Variants in HECTD4 observed in about 807,000 individuals in gnomAD.
HECTD4 encodes the protein probable E3 ubiquitin-protein ligase HECTD4.
A neutral mutation model predicts 471.5 loss-of-function variants in HECTD4; 114 were observed. The ratio of observed to expected loss-of-function variants is 0.24; its 90% CI spans 0.21 to 0.28. The LOEUF (loss-of-function observed/expected upper bound fraction) is 0.28. HECTD4 is among the 10% of genes least tolerant of loss of function. The pLI is 1.00. For missense variants in HECTD4, 3,866 were observed against 5,651.5 expected, an observed-to-expected ratio of 0.68 and a Z score of 10.13; for synonymous variants, 2,012 against 2,256.0, an observed-to-expected ratio of 0.89 and a Z score of 3.07.
In HECTD4 at chr12:112,185,251, A is replaced by T; in HGVS notation, c.9715T>A (p.Ser3239Thr). 6.5e-7 allele frequency: 1 copy of T among 1,550,064 alleles called. No homozygotes were observed. Among genetic ancestry groups the T allele is most frequent in the South Asian group, 1.2e-5 (1 of 84,022 alleles). Residue 3239 changes from serine to threonine, a missense_variant, in exon 61 of 76, where the codon TCC becomes ACC. Around this residue, in one of 16 missense-constraint regions of HECTD4, gnomAD observed 364 missense variants for 413.2 expected, o/e 0.88. Transcript: ENST00000682272. ...TGGTCACCGGCCGCCGCCCCCCCGG[A>T]GCCCCCGCAGGCGCCGCCTGAGACC... ...NWVSGGACGGSGGAAAGDQGR... is the reference protein window; with the variant it reads ...NWVSGGACGGTGGAAAGDQGR...
chr12:112,309,573 T>C lies in HECTD4; in HGVS notation c.1013A>G (p.His338Arg), dbSNP rs1295050993. The change falls in exon 5 of 76, where the codon CAT (histidine) becomes CGT (arginine). Residue 338 changes from histidine (H) to arginine (R), a missense_variant. By Grantham distance (29) the His-to-Arg change is conservative. Around this residue, in one of 16 missense-constraint regions of HECTD4, gnomAD observed 440 missense variants for 636.0 expected, o/e 0.69. Coordinates refer to ENST00000682272, the MANE Select transcript of HECTD4 (RefSeq NM_001388303.1). The stretch of plus-strand genomic sequence containing the variant: ...CCATGCAACTGACCTGAGAGTACCA[T>C]GTAATCCAGATCCCAATTTGCTTAC... ...RGVSKLGSGL[H>R]GTLRGFVYCR... The C allele has an allele frequency of 4.1e-6, 6 of 1,468,472 alleles. No homozygotes were observed. The highest frequency in any genetic ancestry group is 1.2e-5 in the South Asian group (1 of 82,586). 91.0% of individuals were successfully genotyped at this position (1,468,472 alleles called of 1,614,324 possible).
intron 2 of HECTD4, among the ~76,000 whole-genome samples, chr12:112,315,463 A>T (rs1374187213): frequency 6.6e-6 from 1 of 152,168 alleles, no homozygotes; most frequent in Non-Finnish European, 1.5e-5. Context: ...ATAGAAGGCA[A>T]GGAGGCAGCA....
At chr12:112,245,949 T>C (rs968975743) in intron 29 of HECTD4, among the ~76,000 whole-genome samples, 1 of 151,872 alleles carries the variant, frequency 6.6e-6, no homozygotes, top group Non-Finnish European at 1.5e-5. Context: ...CTGGCCAACA[T>C]AGCAAAACCC....
intron 7 of HECTD4, among the ~76,000 whole-genome samples, chr12:112,293,526 AAAAAGATTCCATCTC>A (rs1461289642): frequency 6.8e-6 from 1 of 146,538 alleles, no homozygotes; most frequent in Non-Finnish European, 1.5e-5. Context: ...TGGGCGACAG[AAAAAGATTCCATCTC>A]AAAATCAATC....
chr12:112,239,796 C>A lies in HECTD4; in HGVS notation c.5105+85G>T, dbSNP rs192008380. On this transcript the variant is annotated intron_variant, in intron 33 of 75. Coordinates refer to ENST00000682272, the MANE Select transcript of HECTD4 (RefSeq NM_001388303.1). The surrounding 1 kb of genome is among the most constrained non-coding windows in gnomAD (Gnocchi z 4.9). Reference sequence around the variant, plus strand: ...CTCTGGATAATGAAAGCAAAAAATCCAATTTTTAAAATTAAAAATACTTTC... The same window carrying A: ...CTCTGGATAATGAAAGCAAAAAATCAAATTTTTAAAATTAAAAATACTTTC... The A allele has an allele frequency of 3.2e-3, 4,317 of 1,356,086 alleles. 7 individuals carry two copies. The highest frequency in any genetic ancestry group is 3.8e-3 in the Non-Finnish European group (3,831 of 1,009,896). The allele number at this position is 1,356,086 out of a possible 1,614,324, so 84.0% of individuals were successfully genotyped here.
At chr12:112,222,419 C>T (rs1419135004) in intron 44 of HECTD4, among the ~76,000 whole-genome samples, 1 of 152,194 alleles carries the variant, frequency 6.6e-6, no homozygotes, top group Non-Finnish European at 1.5e-5. Context: ...GTAATCCCAG[C>T]ACTTTGGGAG....
intron 1 of HECTD4, among the ~76,000 whole-genome samples, chr12:112,343,313 C>A (rs11066264): frequency 0.15 from 23,419 of 152,168 alleles, 2,395 homozygotes; most frequent in African/African-American, 0.29. Context: ...CATTCTATTT[C>A]TTTGAACACT....
chr12:112,353,076 C>T (rs1938046406), intron 1 of HECTD4, among the ~76,000 whole-genome samples: 1 of 152,172 alleles, frequency 6.6e-6, no homozygotes, highest in Non-Finnish European at 1.5e-5. Flanking sequence ...TTGCTTTACC[C>T]CAGACCAAAA....
chr12:112,366,325 T>A (rs1442244287), intron 1 of HECTD4, among the ~76,000 whole-genome samples: 1 of 151,028 alleles, frequency 6.6e-6, no homozygotes, highest in Admixed American at 6.6e-5. Flanking sequence ...CTGGGCAACG[T>A]AGTGAGACCC....
intron 1 of HECTD4, among the ~76,000 whole-genome samples, chr12:112,374,885 T>G (rs2036748876): frequency 6.6e-6 from 1 of 152,240 alleles, no homozygotes. Context: ...AAAAACCCTT[T>G]GCATCTATTA....
At chr12:112,334,628 C>T (rs2035907818) in intron 1 of HECTD4, among the ~76,000 whole-genome samples, 2 of 101,326 alleles carry the variant, frequency 2.0e-5, no homozygotes, top group South Asian at 6.5e-4. Flanking sequence ...CCTGTCTCTA[C>T]TAAAAATACA....
At chr12:112,218,012 T>G (rs1409728722) in intron 45 of HECTD4, among the ~76,000 whole-genome samples, 1 of 152,000 alleles carries the variant, frequency 6.6e-6, no homozygotes, top group Non-Finnish European at 1.5e-5. Flanking sequence ...TTTGAGACAG[T>G]CTCATTCTGT....
chr12:112,324,956 T>C (rs1273250952), intron 1 of HECTD4, among the ~76,000 whole-genome samples: 1 of 152,206 alleles, frequency 6.6e-6, no homozygotes, highest in African/African-American at 2.4e-5. Flanking sequence ...CTACTTATGT[T>C]ATATGAAGCA....
At chr12:112,245,409 C>G (rs116832045) in intron 29 of HECTD4, among the ~76,000 whole-genome samples, 2,432 of 152,302 alleles carry the variant, frequency 0.016, 73 homozygotes, top group African/African-American at 0.054. Context: ...GCCTCTGGGA[C>G]AGTACTAACA....
At position 112,192,545 on chromosome 12, in the gene HECTD4, C is replaced by G. The variant is rs2032114460; in HGVS notation, c.9292+15G>C. 1.3e-6 allele frequency: 2 copies of G among 1,522,632 alleles called. No homozygotes were observed. Among genetic ancestry groups the G allele is most frequent in the Admixed American group, 4.1e-5 (2 of 48,344 alleles). 94.3% of individuals were successfully genotyped at this position (1,522,632 alleles called of 1,614,324 possible). A position where few individuals can be genotyped will look rare whatever the true frequency, so the allele number is the denominator to read the frequency against. On this transcript the variant is annotated intron_variant, in intron 59 of 75. Coordinates refer to ENST00000682272, the MANE Select transcript of HECTD4 (RefSeq NM_001388303.1). ...CTCCAGCTGTTCTCATCATGACAAG[C>G]TGCTGGAGACTCACCCAGTTTGATG...
At chr12:112,232,917 T>G in intron 38 of HECTD4, 87 bp downstream of exon 38, 1 of 1,229,796 alleles carries the variant, frequency 8.1e-7, no homozygotes. Flanking sequence ...GAACTAATTT[T>G]TTGTTTTCTT....
chr12:112,255,320 A>G (rs1566088977), intron 21 of HECTD4, among the ~76,000 whole-genome samples: 1 of 152,164 alleles, frequency 6.6e-6, no homozygotes, highest in Non-Finnish European at 1.5e-5. Flanking sequence ...TGTTTCTGAA[A>G]GGCCTACTAA....
Position 112,162,660 on chromosome 12 carries a change from T to C in HECTD4, c.13121-137A>G, listed in dbSNP as rs985530202. 2 of 1,017,054 alleles carry C rather than the reference T, an allele frequency of 2.0e-6. No homozygotes were observed. The highest frequency in any genetic ancestry group is 1.6e-5 in the African/African-American group (1 of 61,790). The allele number at this position is 1,017,054 out of a possible 1,614,324, so 63.0% of individuals were successfully genotyped here. ...ATCCTGGGGCCCAGCAGGAGGGGGATGAGGGCCTGGGAACCTGCGAGATGT... is the reference window on the plus strand; with the variant it reads ...ATCCTGGGGCCCAGCAGGAGGGGGACGAGGGCCTGGGAACCTGCGAGATGT... On this transcript the variant is annotated intron_variant, in intron 75 of 75. Transcript: ENST00000682272. The surrounding 1 kb of genome is among the most constrained non-coding windows in gnomAD (Gnocchi z 5.2).
At chr12:112,224,200 A>G (rs1180836656) in intron 44 of HECTD4, among the ~76,000 whole-genome samples, 1 of 152,118 alleles carries the variant, frequency 6.6e-6, no homozygotes, top group African/African-American at 2.4e-5. Flanking sequence ...AGGAGTCAGT[A>G]AACTTTGCCA....
Sources: allele counts gnomAD v4.1 joint callset (sites outside exome capture counted in the v4.1 genomes callset), GRCh38; gene constraint gnomAD v4.1.1; regional missense constraint gnomAD v4.1.1; non-coding constraint Gnocchi (gnomAD v3.1); transcripts MANE v1.5; gene names NCBI Gene and HGNC (gene_info 2026-07-23, HGNC 2026-07-21).